The following NFX1 variants were observed in gnomAD, a reference collection of about 807,000 sequenced individuals.
NFX1 encodes the protein nuclear transcription factor, X-box binding 1.
NFX1 carries 69 observed loss-of-function variants against 137.2 expected under a neutral mutation model. That is an observed-to-expected ratio of 0.50 (90% CI 0.41 to 0.61). The LOEUF (loss-of-function observed/expected upper bound fraction) is 0.61. NFX1 is among the 20% of genes least tolerant of loss of function. The probability of loss-of-function intolerance (pLI) is 0.00; values close to 1 mark genes in which losing one functional copy is unlikely to be tolerated. For missense variants in NFX1, 1,167 were observed against 1,391.0 expected (o/e 0.84, Z 2.56); for synonymous variants, 495 against 474.1 (o/e 1.04, Z -0.57).
chr9:33,361,333 A>G (rs1436739077), intron 19 of NFX1, among the ~76,000 whole-genome samples: 2 of 152,200 alleles, frequency 1.3e-5, no homozygotes, highest in Non-Finnish European at 2.9e-5. Context: ...TTAAATAAAA[A>G]TGGTATATAT....
At chr9:33,317,192 G>T (rs952581013) in intron 7 of NFX1, among the ~76,000 whole-genome samples, 3 of 149,810 alleles carry the variant, frequency 2.0e-5, no homozygotes, top group African/African-American at 7.4e-5. Context: ...GCCAGGATGG[G>T]CTGATCACTT....
Position 33,301,297 on chromosome 9 carries a change from C to T in NFX1, c.1068C>T (p.Tyr356=), listed in dbSNP as rs1189466131. The change falls in exon 3 of 24, where the codon TAC becomes TAT. Residue 356 remains tyrosine (Y), a synonymous_variant. Transcript: ENST00000379540. The part of the protein sequence containing the change: ...SLIEQLTTEK[Y]ECMVCCELVR... The stretch of plus-strand genomic sequence containing the variant: ...TTGAACAACTAACAACAGAAAAATA[C>T]GAGTGCATGGTGTGCTGTGAATTGG... The T allele has an allele frequency of 8.7e-6, 14 of 1,613,850 alleles. No homozygotes were observed. Among genetic ancestry groups the T allele is most frequent in the Admixed American group, 6.7e-5 (4 of 59,976 alleles).
chr9:33,294,924 G>C lies in NFX1; in HGVS notation c.530G>C (p.Ser177Thr). Residue 177 changes from serine to threonine, a missense_variant, in exon 2 of 24, where the codon AGC becomes ACC. Physicochemically the swap from Ser to Thr is moderately conservative, Grantham distance 58. Transcript: ENST00000379540. The part of the protein sequence containing the change: ...KPKKATQFVY[S>T]YGRGPKVKGK... Reference sequence around the variant, plus strand: ...AAAAAAGCAACACAGTTTGTATACAGCTATGGTAGAGGACCAAAAGTCAAG... The same window carrying C: ...AAAAAAGCAACACAGTTTGTATACACCTATGGTAGAGGACCAAAAGTCAAG... 1 of 1,614,156 alleles carries C rather than the reference G, an allele frequency of 6.2e-7. No homozygotes were observed. The highest frequency in any genetic ancestry group is 8.5e-7 in the Non-Finnish European group (1 of 1,180,046).
chr9:33,341,331 T>C (rs1402390611), intron 12 of NFX1, among the ~76,000 whole-genome samples: 3 of 152,094 alleles, frequency 2.0e-5, no homozygotes, highest in Non-Finnish European at 2.9e-5. Context: ...ATGAGACTTA[T>C]TCACTATCAT....
In NFX1 at chr9:33,354,907, CT is replaced by C. The variant is rs572807363; in HGVS notation, c.2873+16del. On this transcript the variant is annotated intron_variant, in intron 19 of 23. Coordinates refer to ENST00000379540, the MANE Select transcript of NFX1 (RefSeq NM_002504.6). ...GAAAGGAAAAAGTAAGTAGTTGCAG[CT>C]GCTTTTTTAATCTCCTTGCCCTTGA... 469 of 1,613,706 alleles carry C rather than the reference CT, an allele frequency of 2.9e-4. 2 individuals carry two copies. In the Middle Eastern group the frequency reaches 3.3e-3, roughly 11 times the overall value.
intron 3 of NFX1, among the ~76,000 whole-genome samples, chr9:33,302,658 T>G (rs897099939): frequency 6.1e-5 from 9 of 147,892 alleles, no homozygotes; most frequent in South Asian, 2.1e-4. Context: ...TAGCTAGTGG[T>G]TTTTTTTTGT....
At chr9:33,328,445 T>G in intron 9 of NFX1, 136 bp from the exon 10 acceptor site, 1 of 630,818 alleles carries the variant, frequency 1.6e-6, no homozygotes. Context: ...GAAGAAGCAT[T>G]GACTGCATAC....
chr9:33,317,874 G>A (rs1419429491), intron 7 of NFX1, among the ~76,000 whole-genome samples: 1 of 148,366 alleles, frequency 6.7e-6, no homozygotes, highest in Non-Finnish European at 1.5e-5. Flanking sequence ...TACTTGGGAG[G>A]CTGAGGCAAG....
At chr9:33,342,439 G>A (rs1199451963) in intron 12 of NFX1, among the ~76,000 whole-genome samples, 2 of 152,186 alleles carry the variant, frequency 1.3e-5, no homozygotes, top group Non-Finnish European at 2.9e-5. Context: ...TCCAGCCTGG[G>A]CGACAGAGCG....
intron 9 of NFX1, among the ~76,000 whole-genome samples, chr9:33,324,106 C>G (rs2118431952): frequency 6.6e-6 from 1 of 152,102 alleles, no homozygotes; most frequent in East Asian, 1.9e-4. Flanking sequence ...AGGCCAGGCA[C>G]AGTGGCTCAT....
chr9:33,319,993 G>A (rs1205852067), intron 9 of NFX1, among the ~76,000 whole-genome samples: 2 of 146,398 alleles, frequency 1.4e-5, no homozygotes, highest in Non-Finnish European at 3.0e-5. Context: ...ACAGAGTCTC[G>A]CTCTGTTGCC....
At chr9:33,328,460 C>T (rs1822677750) in intron 9 of NFX1, 121 bp from the exon 10 acceptor site, 1 of 689,334 alleles carries the variant, frequency 1.5e-6, no homozygotes, top group Non-Finnish European at 2.6e-6. Context: ...GCATACTTCC[C>T]TCAACTCTGA....
At chr9:33,337,524 C>T (rs1285901721) in intron 11 of NFX1, among the ~76,000 whole-genome samples, 1 of 152,138 alleles carries the variant, frequency 6.6e-6, no homozygotes, top group Non-Finnish European at 1.5e-5. Context: ...ACTACCGTTG[C>T]TATTTTTTTT....
intron 22 of NFX1, 122 bp downstream of exon 22, chr9:33,366,896 A>C: frequency 7.9e-7 from 1 of 1,262,450 alleles, no homozygotes; most frequent in South Asian, 1.6e-5. Flanking sequence ...GTAGAAGGAA[A>C]ATCTGCTTCT....
At chr9:33,294,396 G>A in intron 1 of NFX1, 24 bp from the exon 2 acceptor site, 3 of 1,524,778 alleles carry the variant, frequency 2.0e-6, no homozygotes, top group Non-Finnish European at 2.6e-6. Context: ...CTCTTTACTG[G>A]CATGTCTATT....
chr9:33,322,688 C>T (rs1587840367), intron 9 of NFX1, among the ~76,000 whole-genome samples: 1 of 152,292 alleles, frequency 6.6e-6, no homozygotes, highest in Admixed American at 6.5e-5. Flanking sequence ...GCTACTATCC[C>T]ACCCAGCACC....
chr9:33,298,645 G>C (rs1166828556), intron 2 of NFX1, among the ~76,000 whole-genome samples: 3 of 152,158 alleles, frequency 2.0e-5, no homozygotes, highest in Non-Finnish European at 4.4e-5. Flanking sequence ...TTAGCTGGAC[G>C]TGGTGGCACA....
rs561240147 is a variant in NFX1 at position 33,294,446 on chromosome 9, G to A, written c.52G>A (p.Ala18Thr). 1.4e-5 allele frequency: 22 copies of A among 1,592,244 alleles called. No homozygotes were observed. In the South Asian group the frequency reaches 1.9e-4, roughly 14 times the overall value. The change falls in exon 2 of 24, where the codon GCT becomes ACT. Residue 18 changes from alanine to threonine, a missense_variant. By Grantham distance (58) the Ala-to-Thr change is moderately conservative. Transcript: ENST00000379540. ...SGTFKFNTDA[A>T]EFIPQEKKNS... Reference sequence around the variant, plus strand: ...TACTTTTAAATTCAATACAGATGCTGCTGAATTCATTCCTCAGGAGAAAAA... The same window carrying A: ...TACTTTTAAATTCAATACAGATGCTACTGAATTCATTCCTCAGGAGAAAAA...
At chr9:33,369,305 C>T (rs768719490) in intron 23 of NFX1, among the ~76,000 whole-genome samples, 2 of 152,130 alleles carry the variant, frequency 1.3e-5, no homozygotes, top group African/African-American at 2.4e-5. Context: ...CCTCGTGATC[C>T]GTCCGCCTTG....
Sources: allele counts gnomAD v4.1 joint callset (sites outside exome capture counted in the v4.1 genomes callset), GRCh38; gene constraint gnomAD v4.1.1; transcripts MANE v1.5; gene names NCBI Gene and HGNC (gene_info 2026-07-23, HGNC 2026-07-21).